TBC1D31: variants seen among roughly 807,000 people sequenced by gnomAD.
TBC1D31 encodes the protein TBC1 domain family member 31.
A neutral mutation model predicts 132.9 loss-of-function variants in TBC1D31; 99 were observed. The observed-to-expected ratio is 0.74, with a 90% CI of 0.63 to 0.88. The LOEUF (loss-of-function observed/expected upper bound fraction) is 0.88. Among genes scored for constraint, TBC1D31 ranks in the 40% least tolerant of loss-of-function variants. The pLI is 0.00. For synonymous variants in TBC1D31, 385 were observed against 419.4 expected, an observed-to-expected ratio of 0.92 and a Z score of 1.00; for missense variants, 1,134 against 1,256.6, an observed-to-expected ratio of 0.90 and a Z score of 1.48.
rs145093232 is a variant in TBC1D31 at position 123,108,923 on chromosome 8, C to T, written c.1210-394C>T. On this transcript the variant is annotated intron_variant, in intron 8 of 21. Transcript: ENST00000287380. ...AACACTTAACAAAACCATCAGATCTCGTGAGAACTATCATGAGAACAGCAT... is the reference window on the plus strand; with the variant it reads ...AACACTTAACAAAACCATCAGATCTTGTGAGAACTATCATGAGAACAGCAT... Among the ~76,000 whole-genome samples, 1,134 of 152,228 alleles carry T rather than the reference C, an allele frequency of 7.4e-3. 15 individuals are homozygous for T. Among genetic ancestry groups the T allele is most frequent in the African/African-American group, 0.026 (1,063 of 41,518 alleles).
chr8:123,140,509 A>G (rs1821542724), intron 17 of TBC1D31, among the ~76,000 whole-genome samples: 1 of 152,172 alleles, frequency 6.6e-6, no homozygotes, highest in Non-Finnish European at 1.5e-5. Flanking sequence ...CCTTTGGTTA[A>G]TTTCCAGAAT....
intron 9 of TBC1D31, 27 bp from the exon 10 acceptor site, chr8:123,109,447 G>A (rs1818250336): frequency 2.5e-6 from 4 of 1,609,310 alleles, no homozygotes; most frequent in South Asian, 1.1e-5. Context: ...AAAAAATTGG[G>A]GGGATTAAAA....
At chr8:123,095,587 T>C (rs1353375478) in intron 5 of TBC1D31, among the ~76,000 whole-genome samples, 1 of 152,258 alleles carries the variant, frequency 6.6e-6, no homozygotes, top group Non-Finnish European at 1.5e-5. Context: ...CAAGTTTTAA[T>C]ACATTGCAGC....
chr8:123,086,638 A>C (rs1014644195), intron 4 of TBC1D31, among the ~76,000 whole-genome samples: 15 of 151,616 alleles, frequency 9.9e-5, no homozygotes, highest in African/African-American at 3.6e-4. Context: ...ACCCTAAGGG[A>C]GCTGGCACTT....
In TBC1D31 at chr8:123,109,611, T is replaced by C. The variant is rs1362448946; in HGVS notation, c.1427T>C (p.Val476Ala). The change falls in exon 10 of 22, where the codon GTA becomes GCA. Residue 476 changes from valine to alanine, a missense_variant. Val to Ala is a moderately conservative substitution (Grantham distance 64, BLOSUM62 0). Transcript: ENST00000287380. The stretch of plus-strand genomic sequence containing the variant: ...ATCAAAAGTAGGAAGCTACTCAGAG[T>C]ATTACAGAGGTATGTTCTATATATT... ...YPIKSRKLLRVLQRTLSALAH... is the reference protein window; with the variant it reads ...YPIKSRKLLRALQRTLSALAH... 6.2e-7 allele frequency: 1 copy of C among 1,612,242 alleles called. No individual in the cohort carries two copies. The highest frequency in any genetic ancestry group is 1.1e-5 in the South Asian group (1 of 90,908).
At chr8:123,102,349 G>GCCGTGGAA in intron 7 of TBC1D31, 1 of 417,806 alleles carries the variant, frequency 2.4e-6, no homozygotes, top group Non-Finnish European at 4.8e-6. Context: ...TTGGAGTGGC[G>GCCGTGGAA]TTTGCCACCT....
At chr8:123,157,287 A>T in the TBC1D31 span, among the ~76,000 whole-genome samples, 2 of 152,112 alleles carry the variant, frequency 1.3e-5, no homozygotes, top group Non-Finnish European at 2.9e-5. Flanking sequence ...CGCGCTACCT[A>T]CTGCGCTAAC....
At chr8:123,146,596 T>A (rs887897940) in intron 20 of TBC1D31, among the ~76,000 whole-genome samples, 12 of 152,244 alleles carry the variant, frequency 7.9e-5, no homozygotes, top group Admixed American at 2.0e-4. Flanking sequence ...TCTTTCCAAT[T>A]TTTGGCTTCA....
chr8:123,142,030 T>G (rs1821755465), intron 18 of TBC1D31, among the ~76,000 whole-genome samples: 1 of 151,980 alleles, frequency 6.6e-6, no homozygotes, highest in African/African-American at 2.4e-5. Flanking sequence ...CCAGCTAATT[T>G]CTACCTGAAG....
rs577351150 is a variant in TBC1D31 at position 123,126,185 on chromosome 8, C to G, written c.1700C>G (p.Ser567Cys). The G allele has an allele frequency of 1.5e-5, 24 of 1,606,216 alleles. No individual in the cohort carries two copies. The East Asian group carries it at 3.4e-4, about 22-fold the overall frequency. The change falls in exon 12 of 22, where the codon TCC becomes TGC. Residue 567 changes from serine to cysteine, a missense_variant. Transcript: ENST00000287380. ...CACTTCATAGATCATGATATAACCT[C>G]CCAGGTAAGAAGCATAAGGTTTTTA... ...LQHFIDHDIT[S>C]QLYAWPLLET...
chr8:123,085,438 T>TTTGC (rs953114941), intron 4 of TBC1D31, among the ~76,000 whole-genome samples: 1 of 150,088 alleles, frequency 6.7e-6, no homozygotes, highest in African/African-American at 2.4e-5. Flanking sequence ...CATAATTTTG[T>TTTGC]TTGTTTGTTT....
intron 4 of TBC1D31, among the ~76,000 whole-genome samples, chr8:123,084,768 A>G (rs1415043344): frequency 7.1e-6 from 1 of 140,646 alleles, no homozygotes; most frequent in East Asian, 2.0e-4. Context: ...GGGTCTATCC[A>G]TCTTTCTTTT....
At chr8:123,147,402 AC>A (rs1450591958) in intron 20 of TBC1D31, among the ~76,000 whole-genome samples, 3 of 151,596 alleles carry the variant, frequency 2.0e-5, no homozygotes. Flanking sequence ...CAATCTCTTG[AC>A]CCTTGTGATC....
rs1822513381 is a variant in TBC1D31 at position 123,148,919 on chromosome 8, A to G, written c.2975-1117A>G. On this transcript the variant is annotated intron_variant, in intron 20 of 21. Transcript: ENST00000287380. ...AAAAATAGCCGGGCATGGTGGCGTG[A>G]ACCTGTAATCCCAGCTACTCCAGAG... Among the ~76,000 whole-genome samples, 8 of 152,056 alleles carry G rather than the reference A, an allele frequency of 5.3e-5. 1 individual carries two copies. The South Asian group carries it at 1.7e-3, about 32-fold the overall frequency.
chr8:123,144,607 TG>T, intron 19 of TBC1D31, 109 bp from the exon 20 acceptor site: 1 of 1,051,684 alleles, frequency 9.5e-7, no homozygotes, highest in Non-Finnish European at 1.3e-6. Flanking sequence ...CTACTTGCCA[TG>T]GGAATATAAA....
In TBC1D31 at chr8:123,088,551, A is replaced by T. The variant is rs183504541; in HGVS notation, c.519+4211A>T. On this transcript the variant is annotated intron_variant, in intron 4 of 21. Coordinates refer to ENST00000287380, the MANE Select transcript of TBC1D31 (RefSeq NM_145647.4). ...TATTAAAGTAAAACGTTCGGTTTTT[A>T]AAAAATTTTTTTCCCCTGACACAGC... Among the ~76,000 whole-genome samples the T allele has an allele frequency of 8.8e-3, 1,340 of 152,308 alleles. 18 individuals are homozygous for T. The highest frequency in any genetic ancestry group is 0.03 in the African/African-American group (1,233 of 41,562).
chr8:123,146,289 T>A lies in TBC1D31; in HGVS notation c.2974+1434T>A, dbSNP rs576327801. Among the ~76,000 whole-genome samples the A allele has an allele frequency of 8.3e-3, 1,258 of 152,272 alleles. 14 individuals are homozygous for A. The highest frequency in any genetic ancestry group is 0.029 in the African/African-American group (1,222 of 41,536). ...CAAGTTTAGAGCATTTTTCAGCACT[T>A]CAAAATAAACCCAGTACCCATTAGC... On this transcript the variant is annotated intron_variant, in intron 20 of 21. Coordinates refer to ENST00000287380, the MANE Select transcript of TBC1D31 (RefSeq NM_145647.4).
At chr8:123,093,441 T>A in intron 4 of TBC1D31, 150 bp from the exon 5 acceptor site, 1 of 461,248 alleles carries the variant, frequency 2.2e-6, no homozygotes, top group Non-Finnish European at 3.7e-6. Flanking sequence ...AAATAATCAG[T>A]ATTACTCCTT....
At chr8:123,118,631 C>A (rs1173187074) in intron 10 of TBC1D31, among the ~76,000 whole-genome samples, 2 of 150,728 alleles carry the variant, frequency 1.3e-5, no homozygotes, top group African/African-American at 4.9e-5. Flanking sequence ...ATGTATGAAG[C>A]GCTTATATAA....
Sources: gnomAD v4.1 joint callset for allele counts (sites outside exome capture counted in the v4.1 genomes callset) on GRCh38, gnomAD v4.1.1 for gene constraint, MANE v1.5 for transcripts, NCBI Gene and HGNC (gene_info 2026-07-23, HGNC 2026-07-21) for gene names.